EDAR: variants seen among roughly 807,000 people sequenced by gnomAD.
EDAR encodes ectodysplasin A receptor, also known as tumor necrosis factor receptor superfamily member EDAR.
EDAR carries 38 observed loss-of-function variants against 51.3 expected under a neutral mutation model. The observed-to-expected ratio is 0.74, with a 90% confidence interval of 0.57 to 0.97. EDAR has a LOEUF of 0.97. Among genes scored for constraint, EDAR ranks in the 50% least tolerant of loss-of-function variants. The pLI, the probability that EDAR is intolerant of heterozygous loss-of-function variation, is 0.00. For missense variants in EDAR, 528 were observed against 595.0 expected (o/e 0.89, Z 1.17); for synonymous variants, 227 against 242.1 (o/e 0.94, Z 0.58).
intron 9 of EDAR, among the ~76,000 whole-genome samples, chr2:108,909,755 C>T (rs1382703305): frequency 6.6e-6 from 1 of 152,208 alleles, no homozygotes; most frequent in East Asian, 1.9e-4. Context: ...GATTTTAGAG[C>T]AGGGGCTGGT....
At chr2:108,942,874 T>TTTTG (rs897989037) in intron 1 of EDAR, among the ~76,000 whole-genome samples, 24 of 152,138 alleles carry the variant, frequency 1.6e-4, no homozygotes, top group South Asian at 6.2e-4. Context: ...CGGGTAGGAT[T>TTTTG]TTTGTTTGTT....
chr2:108,913,725 C>T (rs114068758), intron 5 of EDAR, among the ~76,000 whole-genome samples: 10,072 of 152,000 alleles, frequency 0.066, 379 homozygotes, highest in South Asian at 0.12. Context: ...CAAGAGGTGG[C>T]GGATCACGAG....
intron 11 of EDAR, among the ~76,000 whole-genome samples, chr2:108,905,736 G>A (rs1454187839): frequency 3.3e-5 from 5 of 152,188 alleles, no homozygotes; most frequent in African/African-American, 1.2e-4. Context: ...GCAGGAACTG[G>A]AAGCTGAGGA....
intron 1 of EDAR, among the ~76,000 whole-genome samples, chr2:108,932,281 C>G (rs1200100997): frequency 6.6e-6 from 1 of 151,996 alleles, no homozygotes; most frequent in Non-Finnish European, 1.5e-5. Context: ...GTAATCCCAG[C>G]ACTTTGGGAG....
At chr2:108,966,142 A>G (rs1410642253) in intron 1 of EDAR, among the ~76,000 whole-genome samples, 1 of 152,144 alleles carries the variant, frequency 6.6e-6, no homozygotes, top group Non-Finnish European at 1.5e-5. Context: ...TGATAAGACC[A>G]ACTTTGAAGC....
At chr2:108,910,624 G>A (rs1376909545) in intron 8 of EDAR, 92 bp from the exon 9 acceptor site, 2 of 1,386,330 alleles carry the variant, frequency 1.4e-6, no homozygotes, top group African/African-American at 2.8e-5. Context: ...GTTGGGCAGA[G>A]CTGCCCGGTG....
chr2:108,923,384 G>C lies in EDAR; in HGVS notation c.426C>G (p.Pro142=), dbSNP rs1453154832. ...GMVCYSCLLA[P]PNTKECVGAT... is the part of the protein sequence containing the mutation. ...GACACTCACATTCCTTGGTGTTGGG[G>C]GGTGCCAGGAGGCAGGAGTAGCAGA... Residue 142 remains proline, a synonymous_variant, in exon 5 of 12, where the codon CCC becomes CCG. Coordinates refer to ENST00000258443, the MANE Select transcript of EDAR (RefSeq NM_022336.4). 1 of 1,614,168 alleles carries C rather than the reference G, an allele frequency of 6.2e-7. No individual in the cohort carries two copies. Among genetic ancestry groups the C allele is most frequent in the African/African-American group, 1.3e-5 (1 of 75,054 alleles).
At chr2:108,942,773 C>T (rs1267606318) in intron 1 of EDAR, among the ~76,000 whole-genome samples, 1 of 152,242 alleles carries the variant, frequency 6.6e-6, no homozygotes, top group African/African-American at 2.4e-5. Context: ...CACGAAGGTT[C>T]GTGCCCTGAG....
chr2:108,934,608 G>A (rs959319511), intron 1 of EDAR, among the ~76,000 whole-genome samples: 3 of 152,182 alleles, frequency 2.0e-5, no homozygotes, highest in Non-Finnish European at 4.4e-5. Flanking sequence ...AAGAGCGACT[G>A]GCTGCATCCG....
At chr2:108,976,593 G>A (rs1183925460) in intron 1 of EDAR, among the ~76,000 whole-genome samples, 1 of 152,196 alleles carries the variant, frequency 6.6e-6, no homozygotes, top group Non-Finnish European at 1.5e-5. Flanking sequence ...GAGTTCCTCT[G>A]CACGGGAGAC....
chr2:108,927,595 C>T (rs901386915), intron 4 of EDAR, among the ~76,000 whole-genome samples: 6 of 152,172 alleles, frequency 3.9e-5, no homozygotes, highest in Non-Finnish European at 5.9e-5. Flanking sequence ...GGCGAGGTTC[C>T]GTGGTGCACC....
chr2:108,907,411 C>T (rs770254928), intron 10 of EDAR, among the ~76,000 whole-genome samples: 2 of 151,992 alleles, frequency 1.3e-5, no homozygotes, highest in African/African-American at 2.4e-5. Flanking sequence ...TTTGGAAGGC[C>T]GAGGCGGGTG....
intron 1 of EDAR, among the ~76,000 whole-genome samples, chr2:108,962,535 C>T (rs1393017911): frequency 1.3e-5 from 2 of 151,728 alleles, no homozygotes; most frequent in Non-Finnish European, 1.5e-5. Context: ...ATTAGCCGGG[C>T]GTGGTGGCGG....
intron 5 of EDAR, among the ~76,000 whole-genome samples, chr2:108,923,079 C>A (rs974465465): frequency 1.3e-5 from 2 of 152,144 alleles, no homozygotes; most frequent in African/African-American, 2.4e-5. Flanking sequence ...GATGTTAGTA[C>A]CCCCATATTA....
rs572042811 is a variant in EDAR at position 108,969,117 on chromosome 2, A to G, written c.-19+19843T>C. ...TGACAGTCATGGTTTTAGCTCCTTG[A>G]GAATTGGATTCAACAAGGGTGATGA... On this transcript the variant is annotated intron_variant, in intron 1 of 11. Coordinates refer to ENST00000258443, the MANE Select transcript of EDAR (RefSeq NM_022336.4). 2.0e-5 allele frequency among the ~76,000 whole-genome samples: 3 copies of G among 152,272 alleles called. No individual in the cohort carries two copies. In the East Asian group the frequency reaches 5.8e-4, roughly 29 times the overall value.
chr2:108,907,650 A>G (rs1391440591), intron 10 of EDAR, among the ~76,000 whole-genome samples: 49 of 1,610 alleles, frequency 0.03, no homozygotes, highest in Non-Finnish European at 0.05. Flanking sequence ...TCTCATCTCC[A>G]AAAAAAAAAA....
chr2:108,984,378 C>T (rs73952593), intron 1 of EDAR, among the ~76,000 whole-genome samples: 6,919 of 152,258 alleles, frequency 0.045, 518 homozygotes, highest in African/African-American at 0.16. Flanking sequence ...GAACTTCCGC[C>T]CTGACTTGAC....
At chr2:108,968,732 AC>A (rs1698189422) in intron 1 of EDAR, among the ~76,000 whole-genome samples, 2 of 152,214 alleles carry the variant, frequency 1.3e-5, no homozygotes, top group Non-Finnish European at 2.9e-5. Flanking sequence ...TGATGCTGAT[AC>A]AAAAAGCCAT....
chr2:108,936,042 C>T (rs991612015), intron 1 of EDAR, among the ~76,000 whole-genome samples: 1 of 152,234 alleles, frequency 6.6e-6, no homozygotes, highest in African/African-American at 2.4e-5. Flanking sequence ...CTGGTCACCA[C>T]CTTTAGGAGA....
Sources: allele counts gnomAD v4.1 joint callset (sites outside exome capture counted in the v4.1 genomes callset), GRCh38; gene constraint gnomAD v4.1.1; transcripts MANE v1.5; gene names NCBI Gene and HGNC (gene_info 2026-07-23, HGNC 2026-07-21).